Variants in RAD51B observed in about 807,000 individuals in gnomAD.
The protein encoded by RAD51B is RAD51 paralog B.
In RAD51B, 38 loss-of-function variants were observed where a neutral mutation model predicts 42.2. The observed-to-expected ratio is 0.90, with a 90% CI of 0.70 to 1.18. The LOEUF (loss-of-function observed/expected upper bound fraction) is 1.18. Among genes scored for constraint, RAD51B ranks in the 50% most tolerant of loss-of-function variants. The pLI is 0.00. For missense variants in RAD51B, 373 were observed against 400.7 expected (o/e 0.93, Z 0.59); for synonymous variants, 154 against 145.2 (o/e 1.06, Z -0.43).
In RAD51B at chr14:68,582,922, A is replaced by G. The variant is rs369149608; in HGVS notation, c.1037-11563A>G. On this transcript the variant is annotated intron_variant, in intron 10 of 10. Coordinates refer to the RAD51B transcript ENST00000487270. ...ACAAGAAGAGAAAACCAAACACCAC[A>G]TGTTCTCACTCATAAGCGGGAGTTG... Among the ~76,000 whole-genome samples, 9 of 152,246 alleles carry G rather than the reference A, an allele frequency of 5.9e-5. No homozygotes were observed. In the South Asian group the frequency reaches 1.2e-3, roughly 21 times the overall value.
chr14:68,173,597 T>C (rs1264285705), intron 7 of RAD51B, among the ~76,000 whole-genome samples: 1 of 152,160 alleles, frequency 6.6e-6, no homozygotes, highest in African/African-American at 2.4e-5. Context: ...ATATGAGTAA[T>C]TTTGTGGAAA....
intron 7 of RAD51B, among the ~76,000 whole-genome samples, chr14:68,278,777 G>A (rs1316338549): frequency 2.0e-5 from 3 of 152,176 alleles, no homozygotes; most frequent in Non-Finnish European, 4.4e-5. Context: ...ATCTCAGGCT[G>A]TGTCTATGGA....
chr14:68,361,283 C>A (rs2083019312), intron 8 of RAD51B, among the ~76,000 whole-genome samples: 1 of 152,274 alleles, frequency 6.6e-6, no homozygotes, highest in South Asian at 2.1e-4. Context: ...AAGCAACTCA[C>A]CCAGGGTCAT....
intron 8 of RAD51B, among the ~76,000 whole-genome samples, chr14:68,380,475 G>A (rs1215759135): frequency 6.6e-6 from 1 of 152,132 alleles, no homozygotes; most frequent in African/African-American, 2.4e-5. Flanking sequence ...TTTTCTGCCA[G>A]GTAGTTTTCA....
intron 7 of RAD51B, among the ~76,000 whole-genome samples, chr14:68,250,636 C>T (rs1259959085): frequency 6.6e-6 from 1 of 152,176 alleles, no homozygotes; most frequent in East Asian, 1.9e-4. Context: ...CCCTAAATCC[C>T]CTGGGAACAG....
rs557503908 is a variant in RAD51B at position 68,319,567 on chromosome 14, T to C, written c.853+27587T>C. 7.2e-5 allele frequency among the ~76,000 whole-genome samples: 11 copies of C among 152,344 alleles called. No homozygotes were observed. The East Asian group carries it at 1.9e-3, about 27-fold the overall frequency. ...GTCCTTTCTCATTTTTTTATCTTCT[T>C]GTAGCCAGCTCTGGAGATCCAATTC... On this transcript the variant is annotated intron_variant, in intron 8 of 10. Transcript: ENST00000471583.
chr14:67,964,792 C>T (rs1029898865), intron 7 of RAD51B, among the ~76,000 whole-genome samples: 4 of 152,100 alleles, frequency 2.6e-5, no homozygotes, highest in South Asian at 4.1e-4. Flanking sequence ...AGACATACGA[C>T]GGTCTACCGC....
chr14:68,044,264 T>C (rs538080529), intron 7 of RAD51B, among the ~76,000 whole-genome samples: 1 of 152,330 alleles, frequency 6.6e-6, no homozygotes, highest in South Asian at 2.1e-4. Context: ...GGATATGAAG[T>C]GTTGGGAATT....
chr14:68,545,516 G>A (rs769281966), intron 10 of RAD51B: 19 of 455,664 alleles, frequency 4.2e-5, no homozygotes, highest in Middle Eastern at 3.2e-4. Flanking sequence ...TGCCTTAACT[G>A]TCTAGCAGGA....
chr14:68,245,422 T>C (rs560726519), intron 7 of RAD51B, among the ~76,000 whole-genome samples: 1 of 152,342 alleles, frequency 6.6e-6, no homozygotes, highest in East Asian at 1.9e-4. Context: ...ATTTGTATGA[T>C]ATTGGTATGA....
chr14:68,242,766 A>G (rs761727126), intron 7 of RAD51B, among the ~76,000 whole-genome samples: 14 of 152,236 alleles, frequency 9.2e-5, no homozygotes, highest in Non-Finnish European at 1.8e-4. Context: ...CACATGAGGA[A>G]GATATTATTA....
chr14:68,302,482 C>T (rs61985136), intron 8 of RAD51B, among the ~76,000 whole-genome samples: 75,364 of 143,606 alleles, frequency 0.52, 21,441 homozygotes, highest in South Asian at 0.66. Flanking sequence ...GAAAAGCCCC[C>T]GTCATGGAAT....
intron 7 of RAD51B, among the ~76,000 whole-genome samples, chr14:67,946,433 A>G (rs575449498): frequency 3.9e-5 from 6 of 152,038 alleles, no homozygotes; most frequent in African/African-American, 1.2e-4. Context: ...CAGTGGTGCA[A>G]TCTCGGCTCA....
intron 7 of RAD51B, among the ~76,000 whole-genome samples, chr14:68,152,886 G>A (rs1049002607): frequency 1.3e-5 from 2 of 152,084 alleles, no homozygotes; most frequent in African/African-American, 4.8e-5. Context: ...GTTCACTAAG[G>A]ATAATGGCCT....
chr14:68,521,097 C>T (rs558359429), intron 10 of RAD51B, among the ~76,000 whole-genome samples: 8 of 152,092 alleles, frequency 5.3e-5, no homozygotes, highest in Admixed American at 2.0e-4. Flanking sequence ...GACTCAAGCC[C>T]GCACCTGGAT....
At chr14:67,909,715 G>T (rs1489649759) in intron 7 of RAD51B, among the ~76,000 whole-genome samples, 1 of 152,184 alleles carries the variant, frequency 6.6e-6, no homozygotes, top group Admixed American at 6.5e-5. Flanking sequence ...GAGGGTCTCT[G>T]TTGCACAGGC....
downstream of RAD51B, among the ~76,000 whole-genome samples, chr14:68,596,897 G>A (rs1344158614): frequency 6.6e-6 from 1 of 152,156 alleles, no homozygotes; most frequent in Non-Finnish European, 1.5e-5. Flanking sequence ...CTGTCCTCCT[G>A]GCCGACTGTT....
chr14:68,374,773 T>A (rs2139963862), intron 8 of RAD51B, among the ~76,000 whole-genome samples: 1 of 149,566 alleles, frequency 6.7e-6, no homozygotes, highest in Middle Eastern at 3.4e-3. Context: ...TTAATGTCAA[T>A]ATTAGCTTTA....
intron 5 of RAD51B, among the ~76,000 whole-genome samples, chr14:67,870,237 G>A (rs1183472179): frequency 6.6e-6 from 1 of 151,960 alleles, no homozygotes; most frequent in African/African-American, 2.4e-5. Context: ...AAGGTTGGAG[G>A]AAGATCTACC....
Sources: gnomAD v4.1 joint callset for allele counts (sites outside exome capture counted in the v4.1 genomes callset) on GRCh38, gnomAD v4.1.1 for gene constraint, MANE v1.5 for transcripts, NCBI Gene and HGNC (gene_info 2026-07-23, HGNC 2026-07-21) for gene names.